Variants in NOTCH2 observed in about 807,000 individuals in gnomAD.
The protein encoded by NOTCH2 is neurogenic locus notch homolog protein 2.
NOTCH2 carries 29 observed loss-of-function variants against 235.8 expected under a neutral mutation model. The ratio of observed to expected loss-of-function variants is 0.12; its 90% CI spans 0.09 to 0.17. The LOEUF (loss-of-function observed/expected upper bound fraction) is 0.17. NOTCH2 is among the 10% of genes least tolerant of loss of function. NOTCH2 has a pLI of 1.00. For missense variants in NOTCH2, 2,285 were observed against 3,150.2 expected, an observed-to-expected ratio of 0.73 and a Z score of 6.57; for synonymous variants, 1,086 against 1,141.5, an observed-to-expected ratio of 0.95 and a Z score of 0.98.
intron 2 of NOTCH2, among the ~76,000 whole-genome samples, chr1:120,024,042 GA>G (rs1653745268): frequency 6.6e-6 from 1 of 151,784 alleles, no homozygotes; most frequent in South Asian, 2.1e-4. Flanking sequence ...AATGAGCCAA[GA>G]AAACAGCATT....
intron 5 of NOTCH2, among the ~76,000 whole-genome samples, chr1:119,977,865 T>C (rs973241723): frequency 6.6e-6 from 1 of 152,152 alleles, no homozygotes; most frequent in East Asian, 1.9e-4. Flanking sequence ...AAAATATATA[T>C]ATGTACACAT....
chr1:119,915,832 G>T lies in NOTCH2; in HGVS notation c.6890C>A (p.Pro2297His). 6.2e-7 allele frequency: 1 copy of T among 1,614,130 alleles called. No individual in the cohort carries two copies. Among genetic ancestry groups the T allele is most frequent in the Non-Finnish European group, 8.5e-7 (1 of 1,180,002 alleles). Residue 2297 changes from proline (P) to histidine (H), a missense_variant, in exon 34 of 34, where the codon CCT (proline) becomes CAT (histidine). Pro to His is a moderately conservative substitution (Grantham distance 77). Around this residue, in one of 6 missense-constraint regions of NOTCH2, gnomAD observed 504 missense variants for 538.0 expected, o/e 0.94. Coordinates refer to ENST00000256646, the MANE Select transcript of NOTCH2 (RefSeq NM_024408.4). ...CACAATGGGGGGCAAGGGCTCCCGA[G>T]GGGTGGTTATGTGCTTCCCTTCAGG... is the stretch of plus-strand genomic sequence containing the variant. ...RPPEGKHITT[P>H]REPLPPIVTF...
At chr1:119,979,269 A>G (rs1280879414) in intron 5 of NOTCH2, among the ~76,000 whole-genome samples, 1 of 152,206 alleles carries the variant, frequency 6.6e-6, no homozygotes, top group Non-Finnish European at 1.5e-5. Context: ...TGCAGAAGAA[A>G]GAATGAAGAC....
chr1:119,985,293 A>T (rs1436534872), intron 5 of NOTCH2, among the ~76,000 whole-genome samples: 1 of 152,196 alleles, frequency 6.6e-6, no homozygotes, highest in Non-Finnish European at 1.5e-5. Flanking sequence ...ACAGCAAATC[A>T]AAAGAAATAA....
intron 1 of NOTCH2, among the ~76,000 whole-genome samples, chr1:120,037,217 T>C (rs1329267744): frequency 1.3e-5 from 2 of 151,822 alleles, no homozygotes; most frequent in South Asian, 2.1e-4. Flanking sequence ...GCTCCTAAAA[T>C]ACATGAAGAG....
rs1042520178 is a variant in NOTCH2 at position 119,913,647 on chromosome 1, A to G, written c.*1659T>C. The G allele has an allele frequency of 8.6e-6, 2 of 233,220 alleles. No individual in the cohort carries two copies. Among genetic ancestry groups the G allele is most frequent in the Non-Finnish European group, 1.7e-5 (2 of 118,074 alleles). The allele number at this position is 233,220 out of a possible 1,614,324, so 14.4% of individuals were successfully genotyped here. A position where few individuals can be genotyped will look rare whatever the true frequency, so the allele number is the denominator to read the frequency against. ...TAAAAGAAAGTCAAAGAAATTGCCA[A>G]GAGCATGAATACAGAGAGTGGATTC... On this transcript the variant is annotated 3_prime_UTR_variant, in exon 34 of 34. Transcript: ENST00000256646.
intron 13 of NOTCH2, 107 bp downstream of exon 13, chr1:119,954,933 G>T: frequency 9.1e-7 from 1 of 1,094,058 alleles, no homozygotes; most frequent in Non-Finnish European, 1.4e-6. Context: ...CTTCAGCAAA[G>T]TTTCAGCTCA....
rs587748654 is a variant in NOTCH2 at position 119,981,773 on chromosome 1, G to A, written c.874+5187C>T. ...ATTTGGGGTGAGGAGGTAGAATTCA[G>A]AAAACAGGCTTATTATACTTCTCAC... On this transcript the variant is annotated intron_variant, in intron 5 of 33. Coordinates refer to ENST00000256646, the MANE Select transcript of NOTCH2 (RefSeq NM_024408.4). Among the ~76,000 whole-genome samples the A allele has an allele frequency of 1.6e-4, 25 of 152,262 alleles. No homozygotes were observed. The South Asian group carries it at 2.9e-3, about 18-fold the overall frequency.
intron 1 of NOTCH2, among the ~76,000 whole-genome samples, chr1:120,041,041 CAAAAA>C (rs71586698): frequency 6.4e-5 from 1 of 15,668 alleles, no homozygotes; most frequent in African/African-American, 2.9e-4. Flanking sequence ...ACTCTGCCTG[CAAAAA>C]AAAAAAAAAA....
chr1:119,916,500 G>A lies in NOTCH2; in HGVS notation c.6222C>T (p.Thr2074=), dbSNP rs764335447. 1.3e-5 allele frequency: 21 copies of A among 1,612,156 alleles called. No individual in the cohort carries two copies. The highest frequency in any genetic ancestry group is 5.0e-5 in the Admixed American group (3 of 59,974). ...EYNVTPSPPG[T]VLTSALSPVI... ...CAGGTGAGAGAGCAGAAGTCAACACGGTGCCTGGAGGGCTTGGGGTCACAT... is the reference window on the plus strand; with the variant it reads ...CAGGTGAGAGAGCAGAAGTCAACACAGTGCCTGGAGGGCTTGGGGTCACAT... Residue 2074 remains threonine (T), a synonymous_variant, in exon 34 of 34, where the codon ACC becomes ACT. Transcript: ENST00000256646.
rs1012156300 is a variant in NOTCH2 at position 119,913,360 on chromosome 1, C to T, written c.*1946G>A. The T allele has an allele frequency of 4.3e-6, 1 of 233,142 alleles. No individual in the cohort carries two copies. The highest frequency in any genetic ancestry group is 2.2e-5 in the African/African-American group (1 of 45,324). 14.4% of individuals were successfully genotyped at this position (233,142 alleles called of 1,614,324 possible). On this transcript the variant is annotated 3_prime_UTR_variant, in exon 34 of 34. Transcript: ENST00000256646. ...CAGGGTTTCCATATGGGGCCACCGA[C>T]AGACAAATCAGGTAAGTGGGAAGCA... is the stretch of plus-strand genomic sequence containing the variant.
intron 21 of NOTCH2, 86 bp downstream of exon 21, chr1:119,937,195 CA>C (rs1313357524): frequency 1.1e-5 from 14 of 1,282,572 alleles, no homozygotes; most frequent in Non-Finnish European, 1.5e-5. Flanking sequence ...ATATAAGATA[CA>C]AGCAGCTAAA....
chr1:120,065,959 C>A (rs1553217006), intron 1 of NOTCH2, among the ~76,000 whole-genome samples: 3 of 151,040 alleles, frequency 2.0e-5, no homozygotes, highest in Non-Finnish European at 4.4e-5. Flanking sequence ...ACTCTAAAAT[C>A]ATTGCAGACG....
intron 1 of NOTCH2, among the ~76,000 whole-genome samples, chr1:120,048,061 C>T (rs1442492851): frequency 6.6e-5 from 10 of 151,880 alleles, no homozygotes; most frequent in African/African-American, 1.9e-4. Context: ...GCCACCATGC[C>T]CAGCTGAAAA....
chr1:120,069,204 G>C, intron 1 of NOTCH2, 130 bp downstream of exon 1: 3 of 1,527,872 alleles, frequency 2.0e-6, no homozygotes, highest in Non-Finnish European at 2.6e-6. Context: ...TGGGAACCCA[G>C]CGAGTGGCCT....
intron 1 of NOTCH2, among the ~76,000 whole-genome samples, chr1:120,035,736 CT>C (rs1474948883): frequency 1.1e-5 from 1 of 92,940 alleles, no homozygotes; most frequent in African/African-American, 4.4e-5. Context: ...TGCTTTTTCA[CT>C]TTTAAGTTCC....
chr1:119,974,940 G>GTGTCT (rs1410755321), intron 5 of NOTCH2, among the ~76,000 whole-genome samples: 32 of 152,288 alleles, frequency 2.1e-4, no homozygotes, highest in South Asian at 1.7e-3. Context: ...CACTGTACTA[G>GTGTCT]ACACTTGGTG....
intron 23 of NOTCH2, 87 bp downstream of exon 23, chr1:119,928,889 T>G (rs1553194767): frequency 2.7e-6 from 3 of 1,110,154 alleles, no homozygotes; most frequent in Non-Finnish European, 4.1e-6. Context: ...AAGCTTCACT[T>G]GGGTCTGGGA....
At position 119,940,743 on chromosome 1, in the gene NOTCH2, C is replaced by T; in HGVS notation, c.2995G>A (p.Gly999Ser). 6.2e-7 allele frequency: 1 copy of T among 1,614,168 alleles called. No homozygotes were observed. The highest frequency in any genetic ancestry group is 8.5e-7 in the Non-Finnish European group (1 of 1,180,006). ...TTAATCCCATCAACACATGTGCCACCATTGAAACAGGAGCTAAGAAGCAAA... is the reference window on the plus strand; with the variant it reads ...TTAATCCCATCAACACATGTGCCACTATTGAAACAGGAGCTAAGAAGCAAA... ...NECTESSCFNGGTCVDGINSF... is the reference protein window; with the variant it reads ...NECTESSCFNSGTCVDGINSF... Residue 999 changes from glycine (G) to serine (S), a missense_variant, in exon 19 of 34, where the codon GGT becomes AGT. Transcript: ENST00000256646.
Sources: allele counts gnomAD v4.1 joint callset (sites outside exome capture counted in the v4.1 genomes callset), GRCh38; gene constraint gnomAD v4.1.1; regional missense constraint gnomAD v4.1.1; transcripts MANE v1.5; gene names NCBI Gene and HGNC (gene_info 2026-07-23, HGNC 2026-07-21).